Variants in TFAM observed in about 807,000 individuals in gnomAD.
TFAM encodes transcription factor A, mitochondrial.
In TFAM, 13 loss-of-function variants were observed where a neutral mutation model predicts 30.6. The observed-to-expected ratio is 0.42, with a 90% CI of 0.28 to 0.67. The LOEUF (loss-of-function observed/expected upper bound fraction) is 0.67, where lower values mean the gene tolerates loss of function less well. Ranked by LOEUF, TFAM falls within the 30% of genes least tolerant of loss-of-function variation. The pLI, the probability that TFAM is intolerant of heterozygous loss-of-function variation, is 0.21. For synonymous variants in TFAM, 106 were observed against 94.8 expected (o/e 1.12, Z -0.69); for missense variants, 231 against 293.7 (o/e 0.79, Z 1.56).
At chr10:58,387,500 G>A (rs1840512800) in intron 2 of TFAM, among the ~76,000 whole-genome samples, 1 of 152,234 alleles carries the variant, frequency 6.6e-6, no homozygotes, top group Non-Finnish European at 1.5e-5. Flanking sequence ...ATACGAGGCT[G>A]TGTTATATGG....
chr10:58,385,838 C>G (rs923762131), intron 1 of TFAM, among the ~76,000 whole-genome samples, 190 bp downstream of exon 1: 1 of 152,194 alleles, frequency 6.6e-6, no homozygotes, highest in African/African-American at 2.4e-5. Flanking sequence ...TCTTAATACG[C>G]CGTACCTTCT....
rs1840666811 is a variant in TFAM, at chr10:58,395,532, C to A, written c.*458C>A. ...GAACTCATCTAGGTAAATTACAGTTCCTAGGTATAATTCACATTGTATTCA... is the reference window on the plus strand; with the variant it reads ...GAACTCATCTAGGTAAATTACAGTTACTAGGTATAATTCACATTGTATTCA... On this transcript the variant is annotated 3_prime_UTR_variant, in exon 7 of 7. Coordinates refer to ENST00000487519, the MANE Select transcript of TFAM (RefSeq NM_003201.3). 4.1e-6 allele frequency: 1 copy of A among 246,342 alleles called. No individual in the cohort carries two copies. The highest frequency in any genetic ancestry group is 2.2e-5 in the African/African-American group (1 of 45,040). The allele number at this position is 246,342 out of a possible 1,614,324, so 15.3% of individuals were successfully genotyped here.
chr10:58,388,986 C>T (rs575228011), intron 4 of TFAM, among the ~76,000 whole-genome samples, 167 bp downstream of exon 4: 143 of 152,276 alleles, frequency 9.4e-4, no homozygotes, highest in Middle Eastern at 3.4e-3. Context: ...AGTGAGATAG[C>T]CACTAGGACC....
intron 5 of TFAM, among the ~76,000 whole-genome samples, chr10:58,392,218 A>C (rs1160478593): frequency 5.3e-5 from 8 of 152,178 alleles, no homozygotes; most frequent in Admixed American, 5.2e-4. Context: ...TGAGTTTTGC[A>C]TGTCTGAAAA....
At chr10:58,390,630 C>T in intron 4 of TFAM, 135 bp from the exon 5 acceptor site, 1 of 698,614 alleles carries the variant, frequency 1.4e-6, no homozygotes, top group Non-Finnish European at 2.4e-6. Context: ...ATGTAATAAT[C>T]ACACTATATA....
At chr10:58,389,554 T>C (rs557931726) in intron 4 of TFAM, among the ~76,000 whole-genome samples, 1 of 152,346 alleles carries the variant, frequency 6.6e-6, no homozygotes, top group Admixed American at 6.5e-5. Flanking sequence ...CGTCTTTCCC[T>C]GACCCTAATG....
intron 5 of TFAM, among the ~76,000 whole-genome samples, chr10:58,393,041 G>A (rs1049278767): frequency 1.3e-5 from 2 of 151,878 alleles, no homozygotes; most frequent in Admixed American, 6.5e-5. Context: ...GTGCAGTGGC[G>A]TGATCTCGGC....
rs1840705980 is a variant in TFAM at position 58,397,521 on chromosome 10, A to G, written c.*2447A>G. 1 of 152,132 alleles carries G rather than the reference A, an allele frequency of 6.6e-6. No homozygotes were observed. Among genetic ancestry groups the G allele is most frequent in the Admixed American group, 6.5e-5 (1 of 15,270 alleles). 9.4% of individuals were successfully genotyped at this position (152,132 alleles called of 1,614,324 possible). On this transcript the variant is annotated 3_prime_UTR_variant, in exon 7 of 7. Coordinates refer to ENST00000487519, the MANE Select transcript of TFAM (RefSeq NM_003201.3). ...TTGTATTTGGTTCTCTGTTTCTAAA[A>G]TAATGTAATTTTTAATATTTTAAAT...
chr10:58,391,266 A>C (rs10826179), intron 5 of TFAM, among the ~76,000 whole-genome samples: 1 of 151,944 alleles, frequency 6.6e-6, no homozygotes, highest in African/African-American at 2.4e-5. Flanking sequence ...TTTTGGTTAT[A>C]CCCATAGGGA....
intron 4 of TFAM, among the ~76,000 whole-genome samples, chr10:58,389,658 G>T (rs1840555589): frequency 6.6e-6 from 1 of 152,168 alleles, no homozygotes; most frequent in Admixed American, 6.5e-5. Flanking sequence ...CAGTAAAAGG[G>T]AGCCAGAAAG....
intron 5 of TFAM, among the ~76,000 whole-genome samples, chr10:58,391,113 A>T (rs183032251): frequency 1.8e-3 from 271 of 152,152 alleles, no homozygotes; most frequent in Admixed American, 4.8e-3. Context: ...ATATGTAGGG[A>T]TATTAAAGTT....
intron 4 of TFAM, among the ~76,000 whole-genome samples, chr10:58,390,269 G>A (rs1840567107): frequency 6.6e-6 from 1 of 152,102 alleles, no homozygotes; most frequent in Non-Finnish European, 1.5e-5. Context: ...CTTTTCCACA[G>A]TTTCTTCCCT....
chr10:58,398,098 C>G lies in TFAM; in HGVS notation c.*3024C>G, dbSNP rs1840722246. On this transcript the variant is annotated 3_prime_UTR_variant, in exon 7 of 7. Coordinates refer to ENST00000487519, the MANE Select transcript of TFAM (RefSeq NM_003201.3). The stretch of plus-strand genomic sequence containing the variant: ...TTTCTTTTGGAGACACAGTCTTGCT[C>G]TGTCCAAGCTGGAATGCAGTGATGT... 1 of 151,654 alleles carries G rather than the reference C, an allele frequency of 6.6e-6. No homozygotes were observed. Among genetic ancestry groups the G allele is most frequent in the Non-Finnish European group, 1.5e-5 (1 of 68,002 alleles). The allele number at this position is 151,654 out of a possible 1,614,324, so 9.4% of individuals were successfully genotyped here.
At chr10:58,394,499 G>T in intron 6 of TFAM, 85 bp downstream of exon 6, 2 of 1,129,896 alleles carry the variant, frequency 1.8e-6, no homozygotes, top group South Asian at 2.5e-5. Flanking sequence ...TTCATGTGAA[G>T]ACAACCTTGT....
Position 58,386,257 on chromosome 10 carries a change from G to A in TFAM, c.139G>A (p.Ala47Thr), listed in dbSNP as rs376618691. 1.9e-5 allele frequency: 31 copies of A among 1,613,456 alleles called. No individual in the cohort carries two copies. Among genetic ancestry groups the A allele is most frequent in the Non-Finnish European group, 2.1e-5 (25 of 1,179,914 alleles). ...ACCGAGGTGGTTTTCATCTGTCTTG[G>A]CAAGTTGTCCAAAGAAACCTGTAAG... ...YLPRWFSSVLASCPKKPVSSY... is the reference protein window; with the variant it reads ...YLPRWFSSVLTSCPKKPVSSY... Residue 47 changes from alanine (A) to threonine (T), a missense_variant, in exon 2 of 7, where the codon GCA becomes ACA. Physicochemically the swap from Ala to Thr is moderately conservative, Grantham distance 58. Coordinates refer to ENST00000487519, the MANE Select transcript of TFAM (RefSeq NM_003201.3).
At chr10:58,389,875 C>T (rs1840559611) in intron 4 of TFAM, among the ~76,000 whole-genome samples, 2 of 152,126 alleles carry the variant, frequency 1.3e-5, no homozygotes, top group Admixed American at 1.3e-4. Context: ...TTCTTGACTC[C>T]CAGTACCAAC....
rs1311974122 is a variant in TFAM at position 58,385,470 on chromosome 10, G to C, written c.-78G>C. 7.0e-6 allele frequency: 8 copies of C among 1,140,978 alleles called. No individual in the cohort carries two copies. The highest frequency in any genetic ancestry group is 1.0e-5 in the Non-Finnish European group (8 of 774,884). The allele number at this position is 1,140,978 out of a possible 1,614,324, so 70.7% of individuals were successfully genotyped here. On this transcript the variant is annotated 5_prime_UTR_variant, in exon 1 of 7. Coordinates refer to ENST00000487519, the MANE Select transcript of TFAM (RefSeq NM_003201.3). ...GCCGGAGGGTCGCACGCGGGTTCCAGTTGTGATTGCTGGAGTTGTGTATTG... is the reference window on the plus strand; with the variant it reads ...GCCGGAGGGTCGCACGCGGGTTCCACTTGTGATTGCTGGAGTTGTGTATTG...
intron 4 of TFAM, among the ~76,000 whole-genome samples, chr10:58,389,768 T>C (rs528331606): frequency 9.2e-5 from 14 of 152,340 alleles, no homozygotes; most frequent in Non-Finnish European, 1.8e-4. Flanking sequence ...TCCTCCTTAA[T>C]GCACCCAGCC....
In TFAM at chr10:58,385,653, G is replaced by A; in HGVS notation, c.101+5G>A. On this transcript the variant is annotated splice_donor_5th_base_variant and intron_variant, in intron 1 of 6. Coordinates refer to ENST00000487519, the MANE Select transcript of TFAM (RefSeq NM_003201.3). ...TCGACTGCGCTCCCCCTTCAGGTAG[G>A]CCCGCTTGCCTGTGCCCTAGGGGCA... is the stretch of plus-strand genomic sequence containing the variant. The A allele has an allele frequency of 6.4e-7, 1 of 1,552,368 alleles. No homozygotes were observed. Among genetic ancestry groups the A allele is most frequent in the Non-Finnish European group, 8.7e-7 (1 of 1,147,442 alleles).
Sources: gnomAD v4.1 joint callset for allele counts (sites outside exome capture counted in the v4.1 genomes callset) on GRCh38, gnomAD v4.1.1 for gene constraint, MANE v1.5 for transcripts, NCBI Gene and HGNC (gene_info 2026-07-23, HGNC 2026-07-21) for gene names.